The following SPIDR variants were observed in gnomAD, a reference collection of about 807,000 sequenced individuals.
SPIDR encodes the protein scaffold protein involved in DNA repair.
A neutral mutation model predicts 104.6 loss-of-function variants in SPIDR; 93 were observed. That is an observed-to-expected ratio of 0.89 (90% CI 0.75 to 1.06). The LOEUF (loss-of-function observed/expected upper bound fraction) is 1.06, where lower values mean the gene tolerates loss of function less well. SPIDR is among the 50% of genes least tolerant of loss of function. The pLI, the probability that SPIDR is intolerant of heterozygous loss-of-function variation, is 0.00. For missense variants in SPIDR, 1,154 were observed against 1,111.2 expected (o/e 1.04, Z -0.55); for synonymous variants, 431 against 416.9 (o/e 1.03, Z -0.41).
At chr8:47,546,714 T>C (rs775970613) in intron 8 of SPIDR, 1 of 166,798 alleles carries the variant, frequency 6.0e-6, no homozygotes, top group Non-Finnish European at 1.3e-5. Flanking sequence ...TTTTCTCGTA[T>C]ACACATCTTT....
intron 8 of SPIDR, among the ~76,000 whole-genome samples, chr8:47,476,559 A>G (rs2076315028): frequency 6.6e-6 from 1 of 151,866 alleles, no homozygotes; most frequent in South Asian, 2.1e-4. Context: ...CTCCTGAGAC[A>G]CACCTTGCCC....
intron 6 of SPIDR, among the ~76,000 whole-genome samples, chr8:47,401,944 G>A (rs1554663323): frequency 2.0e-5 from 3 of 152,258 alleles, no homozygotes; most frequent in South Asian, 2.1e-4. Flanking sequence ...AAGTTAACAA[G>A]GATATCCAGG....
At chr8:47,642,644 G>A (rs2069351892) in intron 10 of SPIDR, among the ~76,000 whole-genome samples, 1 of 152,200 alleles carries the variant, frequency 6.6e-6, no homozygotes, top group Non-Finnish European at 1.5e-5. Context: ...ACTGGCCACG[G>A]TGATTTATCC....
intron 11 of SPIDR, among the ~76,000 whole-genome samples, chr8:47,678,105 G>T (rs1350171950): frequency 1.3e-5 from 2 of 151,942 alleles, no homozygotes; most frequent in Non-Finnish European, 2.9e-5. Context: ...GTCCCTGTTT[G>T]TACTATGCTC....
chr8:47,379,280 T>A (rs1554644140), intron 5 of SPIDR, among the ~76,000 whole-genome samples: 1 of 152,222 alleles, frequency 6.6e-6, no homozygotes, highest in African/African-American at 2.4e-5. Context: ...CTGGGCTTGG[T>A]GGCTCACGCC....
chr8:47,581,341 T>C (rs2059674956), intron 8 of SPIDR, among the ~76,000 whole-genome samples: 1 of 152,228 alleles, frequency 6.6e-6, no homozygotes, highest in East Asian at 1.9e-4. Context: ...ATAGTCTAAA[T>C]TGAAAAATAA....
chr8:47,705,818 C>A (rs1043335658), intron 14 of SPIDR, among the ~76,000 whole-genome samples: 14 of 151,540 alleles, frequency 9.2e-5, no homozygotes, highest in Non-Finnish European at 1.8e-4. Context: ...ATGGGAGGAT[C>A]CCTTGAGCCC....
intron 8 of SPIDR, among the ~76,000 whole-genome samples, chr8:47,485,727 G>T: frequency 6.6e-6 from 1 of 152,216 alleles, no homozygotes; most frequent in East Asian, 1.9e-4. Context: ...CTCCGCTGCT[G>T]ATACCCAGGC....
At chr8:47,337,351 G>A (rs2049957313) in intron 5 of SPIDR, among the ~76,000 whole-genome samples, 1 of 152,046 alleles carries the variant, frequency 6.6e-6, no homozygotes, top group Non-Finnish European at 1.5e-5. Context: ...GGCTTGTCTT[G>A]AACTTCTGGA....
chr8:47,598,807 A>T, intron 9 of SPIDR, 139 bp from the exon 10 acceptor site: 1 of 1,123,292 alleles, frequency 8.9e-7, no homozygotes, highest in African/African-American at 1.5e-5. Flanking sequence ...TTTCATCTTC[A>T]TCATCACTTC....
At chr8:47,587,609 CAAA>C (rs36084278) in intron 8 of SPIDR, among the ~76,000 whole-genome samples, 9 of 58,840 alleles carry the variant, frequency 1.5e-4, no homozygotes, top group African/African-American at 1.6e-4. Context: ...GACCCTGCCT[CAAA>C]AAAAAAAAAA....
chr8:47,707,127 G>A (rs1258993683), intron 14 of SPIDR, among the ~76,000 whole-genome samples: 5 of 151,446 alleles, frequency 3.3e-5, no homozygotes, highest in African/African-American at 7.3e-5. Flanking sequence ...GGTGGTGCAC[G>A]CCTGTAGTCC....
chr8:47,687,258 A>T (rs1448108370), intron 11 of SPIDR, among the ~76,000 whole-genome samples: 1 of 151,894 alleles, frequency 6.6e-6, no homozygotes, highest in Non-Finnish European at 1.5e-5. Flanking sequence ...TAACAGAATT[A>T]ACATAAATTA....
chr8:47,676,774 A>G (rs2076502547), intron 11 of SPIDR, among the ~76,000 whole-genome samples: 1 of 152,176 alleles, frequency 6.6e-6, no homozygotes. Context: ...TGGTGATGAA[A>G]TATCACTCAG....
At chr8:47,676,314 C>G (rs575664481) in intron 11 of SPIDR, among the ~76,000 whole-genome samples, 2 of 152,126 alleles carry the variant, frequency 1.3e-5, no homozygotes, top group Non-Finnish European at 2.9e-5. Context: ...ATATTTGATG[C>G]TTTTTTAGGT....
chr8:47,608,319 A>C (rs1037532771), intron 10 of SPIDR, among the ~76,000 whole-genome samples: 9 of 152,204 alleles, frequency 5.9e-5, no homozygotes, highest in Non-Finnish European at 1.2e-4. Context: ...TTCTGTGAAT[A>C]TACCATATTT....
chr8:47,549,514 T>C (rs2154396441), intron 8 of SPIDR, among the ~76,000 whole-genome samples: 1 of 152,362 alleles, frequency 6.6e-6, no homozygotes, highest in East Asian at 1.9e-4. Flanking sequence ...ATTTCTCTGA[T>C]GGCCAGTGAT....
intron 8 of SPIDR, among the ~76,000 whole-genome samples, chr8:47,461,256 T>G (rs2073884942): frequency 6.6e-6 from 1 of 152,220 alleles, no homozygotes; most frequent in Non-Finnish European, 1.5e-5. Flanking sequence ...AATGTTTAGA[T>G]TTTTCTTCTT....
intron 5 of SPIDR, among the ~76,000 whole-genome samples, chr8:47,317,717 C>T (rs1214239909): frequency 2.0e-5 from 3 of 152,098 alleles, no homozygotes; most frequent in African/African-American, 7.2e-5. Context: ...AGACTAACAC[C>T]TCACATGGCC....
Sources: allele counts gnomAD v4.1 joint callset (sites outside exome capture counted in the v4.1 genomes callset), GRCh38; gene constraint gnomAD v4.1.1; transcripts MANE v1.5; gene names NCBI Gene and HGNC (gene_info 2026-07-23, HGNC 2026-07-21).